The following MKNK1 variants were observed in gnomAD, a reference collection of about 807,000 sequenced individuals.
MKNK1 encodes MAP kinase-interacting serine/threonine-protein kinase 1.
Under a neutral mutation model 49.3 loss-of-function variants are expected in MKNK1, and 30 were observed. The observed-to-expected ratio is 0.61, with a 90% CI of 0.46 to 0.83. The LOEUF is 0.83. MKNK1 is among the 40% of genes least tolerant of loss of function. The pLI is 0.00. For missense variants in MKNK1, 423 were observed against 524.7 expected (o/e 0.81, Z 1.89); for synonymous variants, 176 against 201.7 (o/e 0.87, Z 1.08).
At chr1:46,567,636 C>T (rs1011278854) in intron 8 of MKNK1, among the ~76,000 whole-genome samples, 2 of 152,132 alleles carry the variant, frequency 1.3e-5, no homozygotes, top group South Asian at 4.1e-4. Context: ...TCATTCAAGG[C>T]CACCCCTTAT....
intron 7 of MKNK1, chr1:46,569,245 G>C (rs1669657707): frequency 6.6e-6 from 1 of 152,338 alleles, no homozygotes; most frequent in Non-Finnish European, 1.5e-5. Context: ...CTGTTTTTAA[G>C]AGAAAACCTC....
chr1:46,560,333 T>G, intron 11 of MKNK1, 56 bp from the exon 12 acceptor site: 1 of 1,586,164 alleles, frequency 6.3e-7, no homozygotes, highest in Non-Finnish European at 8.7e-7. Context: ...TTTCAAGAAC[T>G]GCCCCACCCA....
intron 2 of MKNK1, among the ~76,000 whole-genome samples, chr1:46,592,982 G>A (rs555438674): frequency 6.6e-6 from 1 of 152,142 alleles, no homozygotes; most frequent in African/African-American, 2.4e-5. Flanking sequence ...TTCAGATGAA[G>A]AAGGGTGACA....
At chr1:46,586,701 T>C (rs1410773441) in intron 2 of MKNK1, among the ~76,000 whole-genome samples, 1 of 152,184 alleles carries the variant, frequency 6.6e-6, no homozygotes, top group East Asian at 1.9e-4. Context: ...CTGTAGACAA[T>C]GCAGAGTAAG....
intron 2 of MKNK1, among the ~76,000 whole-genome samples, chr1:46,592,805 A>C (rs1185792736): frequency 6.6e-6 from 1 of 152,206 alleles, no homozygotes; most frequent in African/African-American, 2.4e-5. Context: ...CCCACTGCCT[A>C]GCATGCAGCC....
chr1:46,582,873 A>T (rs1353156880), intron 3 of MKNK1: 2 of 487,448 alleles, frequency 4.1e-6, no homozygotes, highest in South Asian at 1.5e-5. Context: ...CCTCTTATAT[A>T]GTTCTATCTC....
intron 3 of MKNK1, chr1:46,583,009 A>G: frequency 1.5e-6 from 1 of 673,014 alleles, no homozygotes; most frequent in Non-Finnish European, 2.7e-6. Flanking sequence ...AGCCATTCAC[A>G]GGAGGCCAGT....
chr1:46,582,955 T>G (rs1426966232), intron 3 of MKNK1: 4 of 613,028 alleles, frequency 6.5e-6, no homozygotes, highest in Non-Finnish European at 1.2e-5. Flanking sequence ...GCAATGCCAC[T>G]GATAGATGGG....
intron 1 of MKNK1, chr1:46,594,893 G>A (rs1242462507): frequency 2.5e-6 from 1 of 395,080 alleles, no homozygotes; most frequent in African/African-American, 2.2e-5. Context: ...AGGCTGAGGT[G>A]GGAGGATTGC....
intron 2 of MKNK1, 136 bp downstream of exon 2, chr1:46,593,977 G>A (rs1355341349): frequency 1.5e-6 from 1 of 664,468 alleles, no homozygotes; most frequent in African/African-American, 1.8e-5. Context: ...TCGTACCAGG[G>A]CAGCTCCGCT....
intron 6 of MKNK1, among the ~76,000 whole-genome samples, chr1:46,573,379 ACAGT>A (rs1461912760): frequency 1.3e-5 from 2 of 152,220 alleles, no homozygotes; most frequent in South Asian, 2.1e-4. Flanking sequence ...CATGTAATTA[ACAGT>A]CAGTCATGTG....
At chr1:46,577,185 T>C (rs1671093682) in intron 4 of MKNK1, among the ~76,000 whole-genome samples, 1 of 152,154 alleles carries the variant, frequency 6.6e-6, no homozygotes, top group South Asian at 2.1e-4. Context: ...CTGTGTTAAA[T>C]GATTTATTTA....
Position 46,572,440 on chromosome 1 carries a change from G to A in MKNK1, c.353-273C>T, listed in dbSNP as rs80182025. 3.0e-3 allele frequency: 781 copies of A among 259,614 alleles called. 26 individuals carry two copies. In the East Asian group the frequency reaches 0.061, roughly 20 times the overall value. 16.1% of individuals were successfully genotyped at this position (259,614 alleles called of 1,614,324 possible). On this transcript the variant is annotated intron_variant, in intron 6 of 12. Transcript: ENST00000371945. ...TCACCATGTTGGTCAGGCTGGTCTC[G>A]AACTCCCGACCAAGTGATCCGCCTG...
At chr1:46,597,590 A>G (rs1374253871) in intron 1 of MKNK1, among the ~76,000 whole-genome samples, 1 of 152,198 alleles carries the variant, frequency 6.6e-6, no homozygotes, top group East Asian at 1.9e-4. Flanking sequence ...AAGGGACTGT[A>G]TTTCCACCTG....
rs1671579651 is a variant in MKNK1, at chr1:46,580,555, T to C, written c.173A>G (p.Gln58Arg). Residue 58 changes from glutamine (Q) to arginine (R), a missense_variant, in exon 4 of 13, where the codon CAG (glutamine) becomes CGG (arginine). Gln to Arg is a conservative substitution (Grantham distance 43). Transcript: ENST00000371945. ...YAKVQGAVSL[Q>R]NGKEYAVKII... ...TTTGACGGCATACTCTTTGCCATTC[T>C]GTAGGCTCACGGCACCTTGAACTTT... 6.2e-7 allele frequency: 1 copy of C among 1,613,866 alleles called. No homozygotes were observed.
At chr1:46,580,241 A>G (rs1455340336) in intron 4 of MKNK1, among the ~76,000 whole-genome samples, 1 of 152,262 alleles carries the variant, frequency 6.6e-6, no homozygotes, top group East Asian at 1.9e-4. Flanking sequence ...GAAACTTACT[A>G]TGAGCCAGGC....
chr1:46,584,797 T>C (rs569886949), intron 2 of MKNK1: 1 of 152,308 alleles, frequency 6.6e-6, no homozygotes, highest in Non-Finnish European at 1.5e-5. Flanking sequence ...CCATCCATTT[T>C]GGGGATCTGA....
Position 46,562,670 on chromosome 1 carries a change from G to C in MKNK1, c.783C>G (p.Gly261=), listed in dbSNP as rs1243405909. Residue 261 remains glycine (G), a synonymous_variant, in exon 10 of 13, where the codon GGC becomes GGG. Transcript: ENST00000371945. ...HCGADCGWDR[G]EVCRVCQNKL... ...TCACCTGGCACACCCTGCAGACCTC[G>C]CCCCGGTCCCAGCCACAGTCGGCCC... is the stretch of plus-strand genomic sequence containing the variant. The C allele has an allele frequency of 1.9e-6, 3 of 1,556,188 alleles. No individual in the cohort carries two copies. Among genetic ancestry groups the C allele is most frequent in the South Asian group, 2.4e-5 (2 of 84,604 alleles).
chr1:46,572,023 G>A, intron 7 of MKNK1, 40 bp downstream of exon 7: 2 of 1,590,396 alleles, frequency 1.3e-6, no homozygotes, highest in South Asian at 1.1e-5. Context: ...CCAGAGGCTG[G>A]CCAGCCCAAC....
Sources: gnomAD v4.1 joint callset for allele counts (sites outside exome capture counted in the v4.1 genomes callset) on GRCh38, gnomAD v4.1.1 for gene constraint, MANE v1.5 for transcripts, NCBI Gene and HGNC (gene_info 2026-07-23, HGNC 2026-07-21) for gene names.